PCDHGB3: variants seen among roughly 807,000 people sequenced by gnomAD.
PCDHGB3 encodes the protein protocadherin gamma-B3.
A neutral mutation model predicts 59.2 loss-of-function variants in PCDHGB3; 40 were observed. That is an observed-to-expected ratio of 0.68 (90% confidence interval 0.52 to 0.88). The LOEUF is 0.88. Among genes scored for constraint, PCDHGB3 ranks in the 40% least tolerant of loss-of-function variants. The pLI is 0.00. For synonymous variants in PCDHGB3, 581 were observed against 503.6 expected (o/e 1.15, Z -2.06); for missense variants, 1,309 against 1,187.9 (o/e 1.10, Z -1.50).
intron 1 of PCDHGB3, chr5:141,420,220 A>G (rs2096478738): frequency 6.2e-7 from 1 of 1,608,142 alleles, no homozygotes; most frequent in African/African-American, 1.3e-5. Flanking sequence ...ATAGCATGCT[A>G]CTGGCTAGCA....
chr5:141,399,510 C>G, intron 1 of PCDHGB3: 1 of 1,614,040 alleles, frequency 6.2e-7, no homozygotes, highest in East Asian at 2.2e-5. Flanking sequence ...CCGAAAACAA[C>G]CCTCCTGGGG....
intron 1 of PCDHGB3, chr5:141,392,890 T>G (rs2092623202): frequency 3.1e-6 from 5 of 1,613,418 alleles, no homozygotes; most frequent in Admixed American, 1.7e-5. Context: ...CTGTGGGAAA[T>G]CGGGAGGGGA....
At chr5:141,429,845 T>C (rs888160645) in intron 1 of PCDHGB3, among the ~76,000 whole-genome samples, 4 of 152,222 alleles carry the variant, frequency 2.6e-5, no homozygotes, top group Non-Finnish European at 1.5e-5. Context: ...GGTAAGTCTG[T>C]AACATTCTTT....
At position 141,477,763 on chromosome 5, in the gene PCDHGB3, C is replaced by A. The variant is rs763322593; in HGVS notation, c.2416-17044C>A. On this transcript the variant is annotated intron_variant, in intron 1 of 3. Coordinates refer to ENST00000576222, the MANE Select transcript of PCDHGB3 (RefSeq NM_018924.5). The surrounding 1 kb of genome is among the most constrained non-coding windows in gnomAD (Gnocchi z 4.9). ...ATGGGGGCACCCCGGTCCTAGCCAC[C>A]AACATCAGCGTGAACATATTTGTCA... 5.0e-6 allele frequency: 8 copies of A among 1,613,894 alleles called. No homozygotes were observed. The East Asian group carries it at 1.6e-4, about 31-fold the overall frequency.
chr5:141,422,166 T>G (rs370704205), intron 1 of PCDHGB3: 30 of 1,569,256 alleles, frequency 1.9e-5, no homozygotes, highest in Non-Finnish European at 2.5e-5. Flanking sequence ...TTGAAAAATA[T>G]AGATTCTATG....
intron 1 of PCDHGB3, chr5:141,382,806 C>G: frequency 9.1e-7 from 1 of 1,097,502 alleles, no homozygotes; most frequent in South Asian, 1.6e-5. Context: ...GGATTCTGAG[C>G]TCCCCTTCCT....
At chr5:141,430,752 A>C (rs772436100) in intron 1 of PCDHGB3, 1 of 1,501,400 alleles carries the variant, frequency 6.7e-7, no homozygotes, top group East Asian at 2.3e-5. Context: ...TTCTGGAGGA[A>C]GATAAGAATG....
rs2099668037 is a variant in PCDHGB3 at position 141,487,853 on chromosome 5, T to C, written c.2416-6954T>C. The C allele has an allele frequency of 1.0e-6, 1 of 984,708 alleles. No individual in the cohort carries two copies. The allele number at this position is 984,708 out of a possible 1,614,324, so 61.0% of individuals were successfully genotyped here. The stretch of plus-strand genomic sequence containing the variant: ...CCTATATCTGAGTAAGAAATGAAAG[T>C]AATTGGTGATCAAGAGCCAGGCTGT... On this transcript the variant is annotated intron_variant, in intron 1 of 3. Transcript: ENST00000576222. The surrounding 1 kb of genome is among the most constrained non-coding windows in gnomAD (Gnocchi z 5.0).
rs907427230 is a variant in PCDHGB3, at chr5:141,489,936, G to A, written c.2416-4871G>A. 4 of 1,614,096 alleles carry A rather than the reference G, an allele frequency of 2.5e-6. No homozygotes were observed. In the African/African-American group the frequency reaches 5.3e-5, roughly 22 times the overall value. ...GGACCACCCTTATCTCTGTCATCGT[G>A]CTGGACATCAATGATAATGCTCCAA... is the stretch of plus-strand genomic sequence containing the variant. On this transcript the variant is annotated intron_variant, in intron 1 of 3. Coordinates refer to ENST00000576222, the MANE Select transcript of PCDHGB3 (RefSeq NM_018924.5). This position sits in a 1 kb window ranked among gnomAD's most constrained non-coding sequence, Gnocchi z 4.5.
intron 1 of PCDHGB3, chr5:141,414,689 T>G (rs1256681548): frequency 1.2e-6 from 2 of 1,614,070 alleles, no homozygotes; most frequent in Non-Finnish European, 8.5e-7. Context: ...GGGGTACCTC[T>G]GTCCTCATAC....
intron 1 of PCDHGB3, chr5:141,376,412 G>A (rs1772658839): frequency 1.9e-6 from 3 of 1,614,164 alleles, no homozygotes; most frequent in African/African-American, 1.3e-5. Context: ...CAACTATGCC[G>A]ACACGCTTAT....
intron 1 of PCDHGB3, chr5:141,378,235 G>C (rs1774737741): frequency 6.6e-6 from 1 of 152,228 alleles, no homozygotes; most frequent in Non-Finnish European, 1.5e-5. Context: ...GTATTTAAGA[G>C]TGAAAATGGC....
Position 141,491,590 on chromosome 5 carries a change from G to A in PCDHGB3, c.2416-3217G>A, listed in dbSNP as rs376104513. ...GACGTGCTTTTCACCGGCCTCGGAC[G>A]GCAGTGACTTCACTTTTCTAAGACC... On this transcript the variant is annotated intron_variant, in intron 1 of 3. Transcript: ENST00000576222. The surrounding 1 kb of genome is among the most constrained non-coding windows in gnomAD (Gnocchi z 6.9). 15 of 1,613,828 alleles carry A rather than the reference G, an allele frequency of 9.3e-6. No homozygotes were observed. In the African/African-American group the frequency reaches 2.0e-4, roughly 22 times the overall value.
At chr5:141,410,147 G>T in intron 1 of PCDHGB3, 1 of 1,612,952 alleles carries the variant, frequency 6.2e-7, no homozygotes, top group Non-Finnish European at 8.5e-7. Flanking sequence ...TGTGCGTGAC[G>T]GTGGACAGCC....
At chr5:141,410,312 C>T (rs754522489) in intron 1 of PCDHGB3, 9 of 1,614,036 alleles carry the variant, frequency 5.6e-6, no homozygotes, top group South Asian at 3.3e-5. Context: ...AGTGCTCTTC[C>T]TCCTCGCCGT....
At chr5:141,484,362 A>T (rs1460176695) in intron 1 of PCDHGB3, among the ~76,000 whole-genome samples, 1 of 152,196 alleles carries the variant, frequency 6.6e-6, no homozygotes, top group Non-Finnish European at 1.5e-5. Context: ...TATCTAGTGT[A>T]TCACTAGCAA....
At chr5:141,455,058 C>G (rs1350223657) in intron 1 of PCDHGB3, among the ~76,000 whole-genome samples, 9 of 151,814 alleles carry the variant, frequency 5.9e-5, no homozygotes, top group Admixed American at 5.9e-4. Context: ...GTGATCCGCC[C>G]GCCTCGGCCT....
rs909255357 is a variant in PCDHGB3 at position 141,489,178 on chromosome 5, C to A, written c.2416-5629C>A. 5 of 1,234,744 alleles carry A rather than the reference C, an allele frequency of 4.0e-6. No individual in the cohort carries two copies. The highest frequency in any genetic ancestry group is 2.3e-5 in the Admixed American group (1 of 42,922). The allele number at this position is 1,234,744 out of a possible 1,614,324, so 76.5% of individuals were successfully genotyped here. Reference sequence around the variant, plus strand: ...GAGACTTCAGCTGCTGCATTCCAAGCCCTGGGTCTACCTTGGAGACAGGAC... The same window carrying A: ...GAGACTTCAGCTGCTGCATTCCAAGACCTGGGTCTACCTTGGAGACAGGAC... On this transcript the variant is annotated intron_variant, in intron 1 of 3. Transcript: ENST00000576222. This position sits in a 1 kb window ranked among gnomAD's most constrained non-coding sequence, Gnocchi z 4.5.
chr5:141,412,805 A>G (rs2095578499), intron 1 of PCDHGB3, among the ~76,000 whole-genome samples: 1 of 152,246 alleles, frequency 6.6e-6, no homozygotes, highest in Non-Finnish European at 1.5e-5. Context: ...ACCTCCCCTA[A>G]GAAACCTACA....
Sources: allele counts gnomAD v4.1 joint callset (sites outside exome capture counted in the v4.1 genomes callset), GRCh38; gene constraint gnomAD v4.1.1; non-coding constraint Gnocchi (gnomAD v3.1); transcripts MANE v1.5; gene names NCBI Gene and HGNC (gene_info 2026-07-23, HGNC 2026-07-21).